MAN1C1: variants seen among roughly 807,000 people sequenced by gnomAD.
The protein encoded by MAN1C1 is mannosidase alpha class 1C member 1.
Under a neutral mutation model 71.5 loss-of-function variants are expected in MAN1C1, and 49 were observed. The ratio of observed to expected loss-of-function variants is 0.69; its 90% confidence interval spans 0.54 to 0.87. The LOEUF (loss-of-function observed/expected upper bound fraction) is 0.87. Among genes scored for constraint, MAN1C1 ranks in the 40% least tolerant of loss-of-function variants. MAN1C1 has a pLI of 0.00. For missense variants in MAN1C1, 743 were observed against 835.0 expected (o/e 0.89, Z 1.36); for synonymous variants, 352 against 343.7 (o/e 1.02, Z -0.27).
intron 2 of MAN1C1, among the ~76,000 whole-genome samples, chr1:25,721,852 T>TG (rs1181991000): frequency 1.3e-5 from 2 of 152,216 alleles, no homozygotes; most frequent in Non-Finnish European, 2.9e-5. Flanking sequence ...GGAAAGCTTT[T>TG]GGCCTTTCCC....
Position 25,725,559 on chromosome 1 carries a change from G to A in MAN1C1, c.638-21109G>A, listed in dbSNP as rs546095376. ...CGTGCAAGGGCATGGTGGCGTGAGA[G>A]TACAGGAGTACTTGTTAGGGGTCCA... On this transcript the variant is annotated intron_variant, in intron 2 of 11. Transcript: ENST00000374332. This position sits in a 1 kb window ranked among gnomAD's most constrained non-coding sequence, Gnocchi z 4.8. Among the ~76,000 whole-genome samples, 1 of 152,298 alleles carries A rather than the reference G, an allele frequency of 6.6e-6. No homozygotes were observed. Among genetic ancestry groups the A allele is most frequent in the South Asian group, 2.1e-4 (1 of 4,822 alleles).
intron 9 of MAN1C1, 133 bp from the exon 10 acceptor site, chr1:25,780,807 A>G: frequency 1.1e-6 from 1 of 881,178 alleles, no homozygotes; most frequent in East Asian, 2.4e-5. Context: ...CAGTCCAGGC[A>G]GGGGCACCCC....
At chr1:25,754,871 C>T (rs2047264845) in intron 5 of MAN1C1, among the ~76,000 whole-genome samples, 1 of 152,234 alleles carries the variant, frequency 6.6e-6, no homozygotes, top group African/African-American at 2.4e-5. Context: ...GCTGTCCGTG[C>T]CGTGTGCGCA....
intron 1 of MAN1C1, among the ~76,000 whole-genome samples, chr1:25,656,095 C>CTTTTTTTTTGTTTTTTTTTTTTTTTTTT (rs2045761402): frequency 1.3e-5 from 1 of 74,988 alleles, no homozygotes; most frequent in African/African-American, 8.2e-5. Flanking sequence ...GATTATCAGT[C>CTTTTTTTTTGTTTTTTTTTTTTTTTTTT]TTTTTTTTTT....
intron 5 of MAN1C1, among the ~76,000 whole-genome samples, chr1:25,757,459 A>G (rs1275652128): frequency 6.6e-6 from 1 of 151,520 alleles, no homozygotes; most frequent in East Asian, 2.0e-4. Flanking sequence ...TAAATATCCC[A>G]CAGGAAAGAT....
At chr1:25,719,051 C>CTTATTATTATTATTA (rs34993782) in intron 2 of MAN1C1, among the ~76,000 whole-genome samples, 2 of 143,894 alleles carry the variant, frequency 1.4e-5, no homozygotes, top group Non-Finnish European at 3.0e-5. Flanking sequence ...CTTTCCAATG[C>CTTATTATTATTATTA]TTATTATTAT....
At chr1:25,659,208 CTGTT>C (rs1258703382) in intron 1 of MAN1C1, 1 of 152,304 alleles carries the variant, frequency 6.6e-6, no homozygotes, top group Non-Finnish European at 1.5e-5. Context: ...AGAGTCAAGG[CTGTT>C]TGGTTCTAGG....
intron 1 of MAN1C1, among the ~76,000 whole-genome samples, chr1:25,628,041 T>C (rs968646373): frequency 3.3e-5 from 5 of 152,126 alleles, no homozygotes; most frequent in Non-Finnish European, 7.4e-5. Flanking sequence ...AGTGAGGCAC[T>C]GTCTAAAAAA....
chr1:25,709,764 A>C (rs2124244728), intron 2 of MAN1C1: 1 of 151,836 alleles, frequency 6.6e-6, no homozygotes, highest in South Asian at 2.1e-4. Context: ...TATTTTTTTG[A>C]GATGGAGTCT....
chr1:25,636,561 C>T (rs910730890), intron 1 of MAN1C1, among the ~76,000 whole-genome samples: 32 of 152,202 alleles, frequency 2.1e-4, no homozygotes, highest in African/African-American at 7.7e-4. Flanking sequence ...TTATGGTTGT[C>T]TTCCCTTGTT....
chr1:25,668,869 C>T (rs76315718), intron 1 of MAN1C1, among the ~76,000 whole-genome samples: 2 of 152,180 alleles, frequency 1.3e-5, no homozygotes, highest in East Asian at 3.8e-4. Flanking sequence ...AAGCCTTCTA[C>T]TTTTCAGCTG....
chr1:25,680,024 A>G (rs2046129536), intron 1 of MAN1C1, among the ~76,000 whole-genome samples: 1 of 149,752 alleles, frequency 6.7e-6, no homozygotes, highest in South Asian at 2.1e-4. Context: ...CATAAAATTC[A>G]TATACCATAA....
chr1:25,754,679 CA>C (rs3835655), intron 5 of MAN1C1, among the ~76,000 whole-genome samples: 12,318 of 152,084 alleles, frequency 0.081, 757 homozygotes, highest in East Asian at 0.23. Context: ...TCATGAAGCC[CA>C]GACACACACA....
At chr1:25,745,962 G>C (rs2047122811) in intron 2 of MAN1C1, among the ~76,000 whole-genome samples, 1 of 151,816 alleles carries the variant, frequency 6.6e-6, no homozygotes, top group East Asian at 1.9e-4. Flanking sequence ...TTATACTCCA[G>C]TCTGAGCGAC....
In MAN1C1 at chr1:25,620,394, T is replaced by C. The variant is rs557244544; in HGVS notation, c.540+2057T>C. Among the ~76,000 whole-genome samples, 14 of 152,286 alleles carry C rather than the reference T, an allele frequency of 9.2e-5. No homozygotes were observed. In the East Asian group the frequency reaches 2.5e-3, roughly 27 times the overall value. On this transcript the variant is annotated intron_variant, in intron 1 of 11. Transcript: ENST00000374332. ...GTTTCTGTTGTTTTGAAACCTATTG[T>C]CTCTTCAGGCTTCCTGCCACTGACC...
intron 1 of MAN1C1, chr1:25,646,116 G>T (rs2045609101): frequency 6.6e-6 from 1 of 152,310 alleles, no homozygotes. Flanking sequence ...TGTGTTCGCT[G>T]CGTTTTCAGC....
chr1:25,657,965 C>T (rs553461842), intron 1 of MAN1C1, among the ~76,000 whole-genome samples: 26 of 152,326 alleles, frequency 1.7e-4, no homozygotes, highest in Non-Finnish European at 3.4e-4. Flanking sequence ...CGGACCACTG[C>T]TCACTTTCAG....
rs903966431 is a variant in MAN1C1, at chr1:25,725,503, G to A, written c.638-21165G>A. Among the ~76,000 whole-genome samples, 1 of 152,222 alleles carries A rather than the reference G, an allele frequency of 6.6e-6. No homozygotes were observed. The highest frequency in any genetic ancestry group is 2.4e-5 in the African/African-American group (1 of 41,462). ...AAGAATAAGCTGGAGTCTCCCAGGT[G>A]AGGAGGGCATTCTAGGTAAAGGGCA... is the stretch of plus-strand genomic sequence containing the variant. On this transcript the variant is annotated intron_variant, in intron 2 of 11. Transcript: ENST00000374332. The surrounding 1 kb of genome is among the most constrained non-coding windows in gnomAD (Gnocchi z 4.8).
chr1:25,733,993 G>T (rs1249967356), intron 2 of MAN1C1, among the ~76,000 whole-genome samples: 1 of 151,942 alleles, frequency 6.6e-6, no homozygotes, highest in Non-Finnish European at 1.5e-5. Flanking sequence ...TAGAGATGGG[G>T]TTTCACCGTG....
Sources: gnomAD v4.1 joint callset for allele counts (sites outside exome capture counted in the v4.1 genomes callset) on GRCh38, gnomAD v4.1.1 for gene constraint, Gnocchi (gnomAD v3.1) non-coding constraint, MANE v1.5 for transcripts, NCBI Gene and HGNC (gene_info 2026-07-23, HGNC 2026-07-21) for gene names.